Variants in BACH2 observed in about 807,000 individuals in gnomAD.
BACH2 encodes the protein BACH transcriptional regulator 2, also known as transcription regulator protein BACH2.
Under a neutral mutation model 61.8 loss-of-function variants are expected in BACH2, and 5 were observed. The ratio of observed to expected loss-of-function variants is 0.08; its 90% CI spans 0.04 to 0.17. BACH2 has a LOEUF of 0.17. Ranked by LOEUF, BACH2 falls within the 10% of genes least tolerant of loss-of-function variation. The pLI is 1.00. For synonymous variants in BACH2, 446 were observed against 440.1 expected (o/e 1.01, Z -0.17); for missense variants, 824 against 1,091.1 (o/e 0.76, Z 3.45).
intron 5 of BACH2, among the ~76,000 whole-genome samples, chr6:90,060,801 T>C (rs1227291854): frequency 2.0e-5 from 3 of 152,150 alleles, no homozygotes; most frequent in Non-Finnish European, 2.9e-5. Context: ...ACCTGGGCTA[T>C]TTTATCTCCC....
intron 4 of BACH2, among the ~76,000 whole-genome samples, chr6:90,138,434 G>A (rs1784354556): frequency 6.6e-6 from 1 of 152,158 alleles, no homozygotes; most frequent in African/African-American, 2.4e-5. Flanking sequence ...GGGAGGCAGA[G>A]GCTGTAGTCA....
chr6:89,964,481 A>C (rs1372511714), intron 6 of BACH2, among the ~76,000 whole-genome samples: 2 of 152,228 alleles, frequency 1.3e-5, no homozygotes, highest in Non-Finnish European at 2.9e-5. Context: ...AGGTCTTGAA[A>C]TATTTTGGAC....
chr6:90,040,364 G>A (rs1278628681), intron 5 of BACH2, among the ~76,000 whole-genome samples: 2 of 151,988 alleles, frequency 1.3e-5, no homozygotes, highest in Admixed American at 6.6e-5. Flanking sequence ...CTTCCTTAAT[G>A]TAAACTAAAA....
At chr6:90,019,955 A>T (rs1778287946) in intron 5 of BACH2, among the ~76,000 whole-genome samples, 1 of 152,242 alleles carries the variant, frequency 6.6e-6, no homozygotes. Context: ...TTTGGGCTAA[A>T]CTTACTTGAG....
At chr6:90,141,913 TC>T (rs962794687) in intron 4 of BACH2, among the ~76,000 whole-genome samples, 8 of 152,306 alleles carry the variant, frequency 5.3e-5, no homozygotes, top group Admixed American at 4.6e-4. Context: ...AAACCCTGTC[TC>T]TATTAAAAAT....
rs901799221 is a variant in BACH2 at position 90,217,189 on chromosome 6, A to G, written c.-274-10508T>C. Among the ~76,000 whole-genome samples, 4 of 152,170 alleles carry G rather than the reference A, an allele frequency of 2.6e-5. No homozygotes were observed. The South Asian group carries it at 6.2e-4, about 24-fold the overall frequency. On this transcript the variant is annotated intron_variant, in intron 3 of 8. Coordinates refer to ENST00000257749, the MANE Select transcript of BACH2 (RefSeq NM_021813.4). Reference sequence around the variant, plus strand: ...TCAGTGTTGGACTATGTTATCATCAATATCATCAGTGCCTTGTTTACTCCA... The same window carrying G: ...TCAGTGTTGGACTATGTTATCATCAGTATCATCAGTGCCTTGTTTACTCCA...
intron 5 of BACH2, among the ~76,000 whole-genome samples, chr6:90,057,501 A>T (rs1007684017): frequency 2.0e-5 from 3 of 152,232 alleles, no homozygotes; most frequent in Non-Finnish European, 4.4e-5. Flanking sequence ...AACCAAAAAA[A>T]GTCCAGGAAC....
At chr6:90,032,100 T>G (rs1034654183) in intron 5 of BACH2, among the ~76,000 whole-genome samples, 1 of 152,056 alleles carries the variant, frequency 6.6e-6, no homozygotes, top group Non-Finnish European at 1.5e-5. Flanking sequence ...AAACAAGCAA[T>G]GGGGAAAGGA....
chr6:90,130,877 T>C (rs1483548619), intron 4 of BACH2, among the ~76,000 whole-genome samples: 1 of 152,274 alleles, frequency 6.6e-6, no homozygotes, highest in Non-Finnish European at 1.5e-5. Context: ...CTGTGAACTT[T>C]AGTTTTTTCC....
chr6:90,116,186 C>T (rs11754356), intron 4 of BACH2, among the ~76,000 whole-genome samples: 41,295 of 152,060 alleles, frequency 0.27, 6,904 homozygotes, highest in Non-Finnish European at 0.38. Flanking sequence ...TAAAGACACA[C>T]GCATGCAAAT....
At chr6:89,952,117 A>C in intron 6 of BACH2, 1 of 528,554 alleles carries the variant, frequency 1.9e-6, no homozygotes, top group East Asian at 3.3e-5. Context: ...GCTAAACAAG[A>C]TGACAACGGG....
intron 4 of BACH2, among the ~76,000 whole-genome samples, chr6:90,177,997 G>A (rs557833431): frequency 5.9e-5 from 9 of 152,184 alleles, no homozygotes; most frequent in Admixed American, 3.9e-4. Flanking sequence ...GCAGGTACCC[G>A]GACTTTCCCT....
intron 3 of BACH2, among the ~76,000 whole-genome samples, chr6:90,233,821 C>T (rs206910): frequency 0.97 from 147,493 of 152,246 alleles, 71,479 homozygotes; most frequent in East Asian, 1. Context: ...CAATTTTCTG[C>T]GATCAGAGAG....
chr6:90,022,154 AT>A (rs940475658), intron 5 of BACH2, among the ~76,000 whole-genome samples: 1 of 152,040 alleles, frequency 6.6e-6, no homozygotes, highest in Non-Finnish European at 1.5e-5. Context: ...ACAAGTCCCA[AT>A]TTTTTTTGCT....
Position 89,931,079 on chromosome 6 carries a change from C to T in BACH2, c.*1329G>A, listed in dbSNP as rs1213213085. 6.6e-6 allele frequency: 1 copy of T among 152,382 alleles called. No individual in the cohort carries two copies. The highest frequency in any genetic ancestry group is 1.5e-5 in the Non-Finnish European group (1 of 68,056). 9.4% of individuals were successfully genotyped at this position (152,382 alleles called of 1,614,324 possible). On this transcript the variant is annotated 3_prime_UTR_variant, in exon 9 of 9. Transcript: ENST00000257749. ...AGCAGGTCCTACTGCACAACACTTC[C>T]AAGAGCAAGCCGAGGCCTCAGGACG...
chr6:90,175,899 T>C (rs1195064188), intron 4 of BACH2, among the ~76,000 whole-genome samples: 2 of 152,002 alleles, frequency 1.3e-5, no homozygotes, highest in East Asian at 1.9e-4. Flanking sequence ...CACAGCCAGG[T>C]ACCAAGCAAG....
At chr6:90,162,003 TC>T (rs1785208477) in intron 4 of BACH2, among the ~76,000 whole-genome samples, 2 of 152,066 alleles carry the variant, frequency 1.3e-5, no homozygotes, top group Non-Finnish European at 2.9e-5. Context: ...GAGCAGGAGT[TC>T]CTCAGAGAAG....
At chr6:90,105,600 T>C (rs1332882884) in intron 4 of BACH2, among the ~76,000 whole-genome samples, 5 of 152,254 alleles carry the variant, frequency 3.3e-5, no homozygotes, top group Non-Finnish European at 7.3e-5. Flanking sequence ...AGTAGCTGTA[T>C]ATCAAATGCA....
intron 1 of BACH2, among the ~76,000 whole-genome samples, chr6:90,277,488 T>G (rs896126452): frequency 6.6e-6 from 1 of 152,156 alleles, no homozygotes; most frequent in Admixed American, 6.5e-5. Flanking sequence ...ACGGGTGAAG[T>G]AGTTACTGGA....
Sources: allele counts gnomAD v4.1 joint callset (sites outside exome capture counted in the v4.1 genomes callset), GRCh38; gene constraint gnomAD v4.1.1; transcripts MANE v1.5; gene names NCBI Gene and HGNC (gene_info 2026-07-23, HGNC 2026-07-21).